Variants in RASL11B observed in about 807,000 individuals in gnomAD.
RASL11B encodes the protein RAS like family 11 member B.
A neutral mutation model predicts 22.9 loss-of-function variants in RASL11B; 14 were observed. The ratio of observed to expected loss-of-function variants is 0.61; its 90% CI spans 0.40 to 0.96. The LOEUF is 0.96. Ranked by LOEUF, RASL11B falls within the 40% of genes least tolerant of loss-of-function variation. The probability of loss-of-function intolerance (pLI) is 0.00; values close to 1 mark genes in which losing one functional copy is unlikely to be tolerated. For missense variants in RASL11B, 261 were observed against 322.0 expected, an observed-to-expected ratio of 0.81 and a Z score of 1.45; for synonymous variants, 143 against 130.2, an observed-to-expected ratio of 1.10 and a Z score of -0.67.
Position 52,862,371 on chromosome 4 carries a change from C to A in RASL11B, c.-137C>A. The stretch of plus-strand genomic sequence containing the variant: ...AACCTCGGCGCTCGGCCCCACCCCG[C>A]CCGTACCTGCACTTATTTATTGTTG... On this transcript the variant is annotated 5_prime_UTR_variant, in exon 1 of 4. Coordinates refer to ENST00000248706, the MANE Select transcript of RASL11B (RefSeq NM_023940.3). The A allele has an allele frequency of 2.6e-6, 2 of 772,888 alleles. No individual in the cohort carries two copies. Among genetic ancestry groups the A allele is most frequent in the South Asian group, 2.2e-5 (1 of 46,344 alleles). The allele number at this position is 772,888 out of a possible 1,614,324, so 47.9% of individuals were successfully genotyped here.
chr4:52,862,462 T>A lies in RASL11B; in HGVS notation c.-46T>A. ...CCGCTCCCGCGCAGCGCTAGCATTC[T>A]CCAGTCCCTCAGTCCCTTCCCGCGC... On this transcript the variant is annotated 5_prime_UTR_variant, in exon 1 of 4. Transcript: ENST00000248706. 6.3e-7 allele frequency: 1 copy of A among 1,580,174 alleles called. No homozygotes were observed. Among genetic ancestry groups the A allele is most frequent in the South Asian group, 1.1e-5 (1 of 87,922 alleles).
chr4:52,863,572 A>C, intron 2 of RASL11B: 1 of 525,698 alleles, frequency 1.9e-6, no homozygotes, highest in Non-Finnish European at 3.4e-6. Context: ...GTATGTTTTA[A>C]CTATAGTGAC....
In RASL11B at chr4:52,862,371, C is replaced by CCCCTA; in HGVS notation, c.-135_-134insCTACC. The CCCCTA allele has an allele frequency of 1.3e-6, 1 of 772,890 alleles. No individual in the cohort carries two copies. The allele number at this position is 772,890 out of a possible 1,614,324, so 47.9% of individuals were successfully genotyped here. On this transcript the variant is annotated 5_prime_UTR_variant, in exon 1 of 4. Coordinates refer to ENST00000248706, the MANE Select transcript of RASL11B (RefSeq NM_023940.3). Reference sequence around the variant, plus strand: ...AACCTCGGCGCTCGGCCCCACCCCGCCCGTACCTGCACTTATTTATTGTTG... The same window carrying CCCCTA: ...AACCTCGGCGCTCGGCCCCACCCCGCCCCTACCGTACCTGCACTTATTTATTGTTG...
chr4:52,864,419 CA>C (rs1251594493), intron 2 of RASL11B, 58 bp from the exon 3 acceptor site: 1 of 1,093,180 alleles, frequency 9.1e-7, no homozygotes, highest in African/African-American at 1.6e-5. Flanking sequence ...TTAAAACTCA[CA>C]ATGTTTTAAA....
chr4:52,865,260 A>C, intron 3 of RASL11B, 75 bp from the exon 4 acceptor site: 1 of 1,289,638 alleles, frequency 7.8e-7, no homozygotes, highest in African/African-American at 1.5e-5. Flanking sequence ...GCTCTTTTGA[A>C]TTTGAAATCT....
chr4:52,865,234 G>A (rs1718234426), intron 3 of RASL11B, 101 bp from the exon 4 acceptor site: 1 of 875,352 alleles, frequency 1.1e-6, no homozygotes, highest in Non-Finnish European at 1.8e-6. Flanking sequence ...CCCTCAACCT[G>A]GCACTACTAT....
In RASL11B at chr4:52,862,541, G is replaced by C. The variant is rs897851657; in HGVS notation, c.34G>C (p.Glu12Gln). The C allele has an allele frequency of 6.2e-7, 1 of 1,606,404 alleles. No individual in the cohort carries two copies. The highest frequency in any genetic ancestry group is 8.5e-7 in the Non-Finnish European group (1 of 1,177,512). Residue 12 changes from glutamate (E) to glutamine (Q), a missense_variant, in exon 1 of 4, where the codon GAG becomes CAG. Physicochemically the swap from Glu to Gln is conservative, Grantham distance 29. Transcript: ENST00000248706. ...CATTCAGAACATGTGCACCATCGCCGAGTACCCCGCGCCGGGCAACGCCGC... is the reference window on the plus strand; with the variant it reads ...CATTCAGAACATGTGCACCATCGCCCAGTACCCCGCGCCGGGCAACGCCGC... The part of the protein sequence containing the change: ...RLIQNMCTIA[E>Q]YPAPGNAAAS...
Position 52,862,504 on chromosome 4 carries a change from G to A in RASL11B, c.-4G>A. The A allele has an allele frequency of 6.2e-7, 1 of 1,602,676 alleles. No individual in the cohort carries two copies. The highest frequency in any genetic ancestry group is 1.1e-5 in the South Asian group (1 of 90,278). On this transcript the variant is annotated 5_prime_UTR_variant, in exon 1 of 4. Coordinates refer to ENST00000248706, the MANE Select transcript of RASL11B (RefSeq NM_023940.3). The stretch of plus-strand genomic sequence containing the variant: ...TTCCCGCGCGGTGCGCCGCAGCCGA[G>A]GCGATGCGCCTCATTCAGAACATGT...
rs920295752 is a variant in RASL11B at position 52,865,774 on chromosome 4, C to T, written c.716C>T (p.Ser239Phe). 1.9e-6 allele frequency: 3 copies of T among 1,613,900 alleles called. No homozygotes were observed. Among genetic ancestry groups the T allele is most frequent in the Non-Finnish European group, 2.5e-6 (3 of 1,180,000 alleles). ...DLKRRFKQAL[S>F]AKVRTVTSV The stretch of plus-strand genomic sequence containing the variant: ...AAGAGGAGGTTTAAGCAAGCCCTCT[C>T]TGCCAAAGTGAGGACTGTCACCTCC... The change falls in exon 4 of 4, where the codon TCT (serine) becomes TTT (phenylalanine). Residue 239 changes from serine to phenylalanine, a missense_variant. Physicochemically the swap from Ser to Phe is radical, Grantham distance 155. Coordinates refer to ENST00000248706, the MANE Select transcript of RASL11B (RefSeq NM_023940.3).
chr4:52,862,741 A>T (rs1718183620), intron 1 of RASL11B, 92 bp downstream of exon 1: 1 of 1,376,556 alleles, frequency 7.3e-7, no homozygotes, highest in Admixed American at 2.7e-5. Context: ...TGGGAGCTGC[A>T]GCCCGACCGC....
Position 52,862,358 on chromosome 4 carries a change from C to CG in RASL11B, c.-148dup. ...CTGAGCCCTGCGGAACCTCGGCGCTCGGCCCCACCCCGCCCGTACCTGCAC... is the reference window on the plus strand; with the variant it reads ...CTGAGCCCTGCGGAACCTCGGCGCTCGGGCCCCACCCCGCCCGTACCTGCAC... On this transcript the variant is annotated 5_prime_UTR_variant, in exon 1 of 4. Transcript: ENST00000248706. 2.8e-6 allele frequency: 2 copies of CG among 703,850 alleles called. No individual in the cohort carries two copies. The highest frequency in any genetic ancestry group is 2.1e-6 in the Non-Finnish European group (1 of 466,558). The allele number at this position is 703,850 out of a possible 1,614,324, so 43.6% of individuals were successfully genotyped here. A position where few individuals can be genotyped will look rare whatever the true frequency, so the allele number is the denominator to read the frequency against.
In RASL11B at chr4:52,862,326, C is replaced by T. The variant is rs2109425128; in HGVS notation, c.-182C>T. On this transcript the variant is annotated 5_prime_UTR_variant, in exon 1 of 4. Coordinates refer to ENST00000248706, the MANE Select transcript of RASL11B (RefSeq NM_023940.3). ...CGCGCCGCGCGAGTGCAGTCTGGGTCTGGAGCCTGAGCCCTGCGGAACCTC... is the reference window on the plus strand; with the variant it reads ...CGCGCCGCGCGAGTGCAGTCTGGGTTTGGAGCCTGAGCCCTGCGGAACCTC... The T allele has an allele frequency of 1.7e-6, 1 of 585,824 alleles. No individual in the cohort carries two copies. The highest frequency in any genetic ancestry group is 3.5e-5 in the East Asian group (1 of 28,230). The allele number at this position is 585,824 out of a possible 1,614,324, so 36.3% of individuals were successfully genotyped here.
intron 3 of RASL11B, 135 bp downstream of exon 3, chr4:52,864,689 A>G (rs1236392165): frequency 4.5e-5 from 32 of 707,922 alleles, no homozygotes; most frequent in Non-Finnish European, 7.7e-5. Context: ...ATGTCTGACA[A>G]TTCAATTGTA....
In RASL11B at chr4:52,865,923, A is replaced by G; in HGVS notation, c.*118A>G. 1 of 699,434 alleles carries G rather than the reference A, an allele frequency of 1.4e-6. No individual in the cohort carries two copies. The highest frequency in any genetic ancestry group is 2.4e-6 in the Non-Finnish European group (1 of 420,862). 43.3% of individuals were successfully genotyped at this position (699,434 alleles called of 1,614,324 possible). A position where few individuals can be genotyped will look rare whatever the true frequency, so the allele number is the denominator to read the frequency against. On this transcript the variant is annotated 3_prime_UTR_variant, in exon 4 of 4. Coordinates refer to ENST00000248706, the MANE Select transcript of RASL11B (RefSeq NM_023940.3). ...TGGTTCCAGAAAGGGCTGGAGCAGAAGGGCCAAGAGGGCCTGTGGAACTGC... is the reference window on the plus strand; with the variant it reads ...TGGTTCCAGAAAGGGCTGGAGCAGAGGGGCCAAGAGGGCCTGTGGAACTGC...
At position 52,866,103 on chromosome 4, in the gene RASL11B, A is replaced by G. The variant is rs1308982992; in HGVS notation, c.*298A>G. ...ATCGTTTCGGTTTCTGCATTCAACTACCTTGTAAATGGTGGTCCGTTGCAG... is the reference window on the plus strand; with the variant it reads ...ATCGTTTCGGTTTCTGCATTCAACTGCCTTGTAAATGGTGGTCCGTTGCAG... On this transcript the variant is annotated 3_prime_UTR_variant, in exon 4 of 4. Transcript: ENST00000248706. The G allele has an allele frequency of 2.5e-6, 1 of 394,904 alleles. No homozygotes were observed. The highest frequency in any genetic ancestry group is 4.6e-6 in the Non-Finnish European group (1 of 217,992). 24.5% of individuals were successfully genotyped at this position (394,904 alleles called of 1,614,324 possible).
chr4:52,864,177 T>C (rs1482259495), intron 2 of RASL11B: 2 of 242,066 alleles, frequency 8.3e-6, no homozygotes, highest in East Asian at 2.0e-4. Flanking sequence ...AAACCTCACA[T>C]AGGCTGAGCA....
chr4:52,864,175 C>T (rs1193624366), intron 2 of RASL11B: 5 of 240,230 alleles, frequency 2.1e-5, no homozygotes, highest in African/African-American at 1.1e-4. Flanking sequence ...AGAAACCTCA[C>T]ATAGGCTGAG....
In RASL11B at chr4:52,866,776, T is replaced by A. The variant is rs9646; in HGVS notation, c.*971T>A. Reference sequence around the variant, plus strand: ...CAGATGCACTTTAAAAAGCCACTCATGCTTTGGCTTAAACTGTAATTAATT... The same window carrying A: ...CAGATGCACTTTAAAAAGCCACTCAAGCTTTGGCTTAAACTGTAATTAATT... On this transcript the variant is annotated 3_prime_UTR_variant, in exon 4 of 4. Transcript: ENST00000248706. 18,279 of 152,670 alleles carry A rather than the reference T, an allele frequency of 0.12. 1,336 individuals are homozygous for A. Among genetic ancestry groups the A allele is most frequent in the East Asian group, 0.25 (1,314 of 5,180 alleles). 9.5% of individuals were successfully genotyped at this position (152,670 alleles called of 1,614,324 possible).
At chr4:52,862,737 C>T in intron 1 of RASL11B, 88 bp downstream of exon 1, 1 of 1,399,212 alleles carries the variant, frequency 7.1e-7, no homozygotes. Context: ...GCGGTGGGAG[C>T]TGCAGCCCGA....
Sources: allele counts gnomAD v4.1 joint callset, GRCh38; gene constraint gnomAD v4.1.1; transcripts MANE v1.5; gene names NCBI Gene and HGNC (gene_info 2026-07-23, HGNC 2026-07-21).